The following ABCA7 variants were observed in gnomAD, a reference collection of about 807,000 sequenced individuals.
ABCA7 encodes the protein ATP binding cassette subfamily A member 7.
A neutral mutation model predicts 227.6 loss-of-function variants in ABCA7; 261 were observed. The ratio of observed to expected loss-of-function variants is 1.15; its 90% CI spans 1.04 to 1.27. The LOEUF (loss-of-function observed/expected upper bound fraction) is 1.27. ABCA7 is among the 50% of genes most tolerant of loss of function. The pLI is 0.00. For missense variants in ABCA7, 3,331 were observed against 2,924.5 expected (o/e 1.14, Z -3.21); for synonymous variants, 1,488 against 1,279.7 (o/e 1.16, Z -3.47).
At chr19:1,053,868 A>G (rs1299150847) in intron 25 of ABCA7, 32 bp downstream of exon 25, 3 of 1,602,016 alleles carry the variant, frequency 1.9e-6, no homozygotes, top group Non-Finnish European at 2.6e-6. Flanking sequence ...CCCTGACCCC[A>G]GTCCAGAGTG....
At chr19:1,048,191 TAAAAAAAAA>T (rs35966146) in intron 16 of ABCA7, among the ~76,000 whole-genome samples, 1 of 101,442 alleles carries the variant, frequency 9.9e-6, no homozygotes, top group African/African-American at 3.8e-5. Context: ...TCCATCTCTT[TAAAAAAAAA>T]AAAAAAAAAA....
intron 12 of ABCA7, 25 bp downstream of exon 12, chr19:1,045,256 G>C: frequency 1.2e-6 from 1 of 862,036 alleles, no homozygotes; most frequent in Non-Finnish European, 1.8e-6. Flanking sequence ...GGGGCGGGGG[G>C]ATGAGGGACT....
intron 30 of ABCA7, 87 bp downstream of exon 30, chr19:1,055,438 G>C: frequency 7.0e-7 from 1 of 1,433,350 alleles, no homozygotes; most frequent in South Asian, 1.5e-5. Flanking sequence ...AGGAGGAAGT[G>C]GAGGGGTTGG....
At chr19:1,044,836 G>T in intron 11 of ABCA7, 92 bp downstream of exon 11, 1 of 1,487,772 alleles carries the variant, frequency 6.7e-7, no homozygotes. Flanking sequence ...GGGGAGGCGG[G>T]CCCGGCCCTA....
intron 6 of ABCA7, 162 bp from the exon 7 acceptor site, chr19:1,042,584 G>T: frequency 2.0e-6 from 2 of 1,003,692 alleles, no homozygotes; most frequent in Admixed American, 1.9e-5. Context: ...AGGAAGACTC[G>T]TCTGTGAGAT....
Position 1,047,662 on chromosome 19 carries a change from G to C in ABCA7, c.2269+8G>C. ...TGGAAGCTGTGTGCCCAGGTGGGCC[G>C]TAGGGGGCGGGGCTCCGGGCCGGGT... On this transcript the variant is annotated splice_region_variant and intron_variant, in intron 16 of 46. Transcript: ENST00000263094. The C allele has an allele frequency of 6.3e-7, 1 of 1,586,166 alleles. No individual in the cohort carries two copies. The highest frequency in any genetic ancestry group is 8.5e-7 in the Non-Finnish European group (1 of 1,171,182).
At position 1,046,385 on chromosome 19, in the gene ABCA7, A is replaced by G. The variant is rs1464811902; in HGVS notation, c.1601A>G (p.Tyr534Cys). Residue 534 changes from tyrosine to cysteine, a missense_variant, in exon 13 of 47, where the codon TAT (tyrosine) becomes TGT (cysteine). Coordinates refer to ENST00000263094, the MANE Select transcript of ABCA7 (RefSeq NM_019112.4). ...GGCCTCTACCTGCAGCAGATGCCCT[A>G]TCCGTGCTATGTGGACGACGTGTGA... ...RAGLYLQQMP[Y>C]PCYVDDVFLR... 1.3e-6 allele frequency: 2 copies of G among 1,580,444 alleles called. No homozygotes were observed. Among genetic ancestry groups the G allele is most frequent in the Admixed American group, 1.7e-5 (1 of 57,594 alleles).
chr19:1,050,534 G>A (rs1455341189), intron 18 of ABCA7, among the ~76,000 whole-genome samples: 1 of 151,992 alleles, frequency 6.6e-6, no homozygotes, highest in Non-Finnish European at 1.5e-5. Context: ...CACTTTGGGG[G>A]GCCGAGGCGG....
At position 1,046,950 on chromosome 19, in the gene ABCA7, C is replaced by A. The variant is rs758537501; in HGVS notation, c.1771C>A (p.Leu591Ile). The change falls in exon 14 of 47, where the codon CTC becomes ATC. Residue 591 changes from leucine (L) to isoleucine (I), a missense_variant. By Grantham distance (5) the Leu-to-Ile change is conservative. Transcript: ENST00000263094. ...CGCCATGGGGCTCAGCCGCGCGGTG[C>A]TCTGGCTAGGCTGGTTCCTCAGCTG... ...MRAMGLSRAVLWLGWFLSCLG... is the reference protein window; with the variant it reads ...MRAMGLSRAVIWLGWFLSCLG... The A allele has an allele frequency of 2.7e-5, 43 of 1,570,798 alleles. No individual in the cohort carries two copies. The Middle Eastern group carries it at 2.0e-3, about 73-fold the overall frequency.
At chr19:1,047,416 CG>C in intron 15 of ABCA7, 36 bp from the exon 16 acceptor site, 1 of 1,537,678 alleles carries the variant, frequency 6.5e-7, no homozygotes, top group Non-Finnish European at 8.7e-7. Context: ...GGACGCCCCC[CG>C]CTTCGGCCGC....
intron 41 of ABCA7, 92 bp downstream of exon 41, chr19:1,061,980 G>T: frequency 6.9e-7 from 1 of 1,443,980 alleles, no homozygotes. Flanking sequence ...AATGGACTGG[G>T]CTCACTGCCC....
rs2042706987 is a variant in ABCA7, at chr19:1,062,247, G to A, written c.5646G>A (p.Leu1882=). Residue 1882 remains leucine (L), a synonymous_variant, in exon 42 of 47, where the codon CTG becomes CTA. Transcript: ENST00000263094. ...AATCCGATGCCATCTTTGAGCTGCT[G>A]ACGGGCCGCGAGCACCTGGAGCTGC... ...CPQSDAIFEL[L]TGREHLELLA... is the part of the protein sequence containing the mutation. The A allele has an allele frequency of 6.2e-7, 1 of 1,611,706 alleles. No individual in the cohort carries two copies. The highest frequency in any genetic ancestry group is 1.1e-5 in the South Asian group (1 of 91,092).
chr19:1,056,082 C>CT lies in ABCA7; in HGVS notation c.4256dup (p.Arg1422ProfsTer105), dbSNP rs749319223. The CT allele has an allele frequency of 6.3e-7, 1 of 1,595,110 alleles. No individual in the cohort carries two copies. Among genetic ancestry groups the CT allele is most frequent in the Non-Finnish European group, 8.6e-7 (1 of 1,169,440 alleles). ...GCCCCACAGATACGGAGGCTTCTCG[C>CT]TGGGGGGCCGAGACCCAGGCCTGCC... On this transcript the variant is annotated frameshift_variant, in exon 32 of 47. Coordinates refer to ENST00000263094, the MANE Select transcript of ABCA7 (RefSeq NM_019112.4). LOFTEE classifies it high-confidence loss of function. This position sits in a 1 kb window ranked among gnomAD's most constrained non-coding sequence, Gnocchi z 4.3.
In ABCA7 at chr19:1,043,267, C is replaced by T. The variant is rs199894311; in HGVS notation, c.790+16C>T. The T allele has an allele frequency of 1.7e-5, 27 of 1,609,018 alleles. 1 individual carries two copies. Among genetic ancestry groups the T allele is most frequent in the South Asian group, 9.9e-5 (9 of 91,004 alleles). Reference sequence around the variant, plus strand: ...AGCAGCCTGAGTGAGTGACTGACCTCGGTTTCCCCTCTTGGGAAGTGGAAC... The same window carrying T: ...AGCAGCCTGAGTGAGTGACTGACCTTGGTTTCCCCTCTTGGGAAGTGGAAC... On this transcript the variant is annotated intron_variant, in intron 8 of 46. Coordinates refer to ENST00000263094, the MANE Select transcript of ABCA7 (RefSeq NM_019112.4).
At chr19:1,059,179 A>G (rs1198871725) in intron 40 of ABCA7, 94 bp downstream of exon 40, 2 of 1,338,926 alleles carry the variant, frequency 1.5e-6, no homozygotes, top group African/African-American at 3.0e-5. Flanking sequence ...CCTACTGTGT[A>G]TCCACCACCT....
Position 1,055,874 on chromosome 19 carries a change from G to A in ABCA7, c.4206-33G>A, listed in dbSNP as rs755807791. ...ATCTCTCTCTCTGTCCCACATCCCT[G>A]TCTGCCTGTGTCTCTGTCCATCTCT... On this transcript the variant is annotated intron_variant, in intron 30 of 46. Transcript: ENST00000263094. 7.1e-6 allele frequency: 11 copies of A among 1,553,394 alleles called. No homozygotes were observed. In the Admixed American group the frequency reaches 1.1e-4, roughly 16 times the overall value.
rs750980177 is a variant in ABCA7, at chr19:1,062,186, C to T, written c.5585C>T (p.Pro1862Leu). ...VLAGHSVARE[P>L]SAAHLSMGYC... ...CCCATCCCCAGCGTGGCCCGGGAAC[C>T]CAGTGCTGCGCACCTCAGCATGGGA... Residue 1862 changes from proline (P) to leucine (L), a missense_variant, in exon 42 of 47, where the codon CCC becomes CTC. Physicochemically the swap from Pro to Leu is moderately conservative, Grantham distance 98. Coordinates refer to ENST00000263094, the MANE Select transcript of ABCA7 (RefSeq NM_019112.4). 17 of 1,612,118 alleles carry T rather than the reference C, an allele frequency of 1.1e-5. No homozygotes were observed. In the Middle Eastern group the frequency reaches 4.9e-4, roughly 47 times the overall value.
intron 12 of ABCA7, 177 bp downstream of exon 12, chr19:1,045,408 G>C: frequency 1.5e-6 from 1 of 667,012 alleles, no homozygotes; most frequent in Non-Finnish European, 2.5e-6. Flanking sequence ...CCCGTGATGG[G>C]CGGGGCCTAG....
rs961628544 is a variant in ABCA7, at chr19:1,051,564, G to T, written c.2940G>T (p.Glu980Asp). ...VDPASRRGIW[E>D]LLLKYREGRT... ...CTGCTTCCCGCCGCGGTATTTGGGA[G>T]CTGCTGCTCAAATACCGAGAAGGTA... The change falls in exon 21 of 47, where the codon GAG (glutamate) becomes GAT (aspartate). Residue 980 changes from glutamate (E) to aspartate (D), a missense_variant. Physicochemically the swap from Glu to Asp is conservative, Grantham distance 45 (BLOSUM62 2). Coordinates refer to ENST00000263094, the MANE Select transcript of ABCA7 (RefSeq NM_019112.4). The T allele has an allele frequency of 6.2e-7, 1 of 1,612,246 alleles. No individual in the cohort carries two copies. The highest frequency in any genetic ancestry group is 1.3e-5 in the African/African-American group (1 of 74,920).
Sources: gnomAD v4.1 joint callset for allele counts (sites outside exome capture counted in the v4.1 genomes callset) on GRCh38, gnomAD v4.1.1 for gene constraint, Gnocchi (gnomAD v3.1) non-coding constraint, MANE v1.5 for transcripts, NCBI Gene and HGNC (gene_info 2026-07-23, HGNC 2026-07-21) for gene names.